MPPE1: variants seen among roughly 807,000 people sequenced by gnomAD.
MPPE1 encodes the protein metallo phosphoesterase.
A neutral mutation model predicts 43.8 loss-of-function variants in MPPE1; 28 were observed. That is an observed-to-expected ratio of 0.64 (90% CI 0.47 to 0.88). The LOEUF is 0.88. Among genes scored for constraint, MPPE1 ranks in the 40% least tolerant of loss-of-function variants. MPPE1 has a pLI of 0.00. For missense variants in MPPE1, 428 were observed against 492.2 expected, an observed-to-expected ratio of 0.87 and a Z score of 1.23; for synonymous variants, 159 against 188.5, an observed-to-expected ratio of 0.84 and a Z score of 1.28.
At chr18:11,901,768 G>C (rs984065257) in intron 2 of MPPE1, among the ~76,000 whole-genome samples, 2 of 152,082 alleles carry the variant, frequency 1.3e-5, no homozygotes, top group Non-Finnish European at 1.5e-5. Flanking sequence ...GAATCCAGGA[G>C]GTGGAGGTTG....
At chr18:11,900,675 AGGTG>A (rs1290224172) in intron 2 of MPPE1, among the ~76,000 whole-genome samples, 2 of 152,280 alleles carry the variant, frequency 1.3e-5, no homozygotes, top group African/African-American at 2.4e-5. Flanking sequence ...TGGGAGGCCA[AGGTG>A]GGCAGATCAC....
chr18:11,893,423 T>C (rs2038225149), intron 4 of MPPE1, 45 bp downstream of exon 4: 3 of 1,354,210 alleles, frequency 2.2e-6, no homozygotes, highest in East Asian at 4.6e-5. Flanking sequence ...ATACTTGTGC[T>C]GGACCTCACA....
chr18:11,888,227 G>A (rs965261365), intron 6 of MPPE1, among the ~76,000 whole-genome samples: 1 of 152,206 alleles, frequency 6.6e-6, no homozygotes, highest in East Asian at 1.9e-4. Flanking sequence ...GGGTGGCACA[G>A]AGCTACAGAG....
At position 11,908,266 on chromosome 18, in the gene MPPE1, G is replaced by A. The variant is rs181451963; in HGVS notation, c.-265C>T. Reference sequence around the variant, plus strand: ...ATGGGGAGCACCGGGCGGTGCGGGAGCCCTTTCACCAGGGCAGGGTGGCTT... The same window carrying A: ...ATGGGGAGCACCGGGCGGTGCGGGAACCCTTTCACCAGGGCAGGGTGGCTT... On this transcript the variant is annotated 5_prime_UTR_variant, in exon 1 of 11. Coordinates refer to ENST00000588072, the MANE Select transcript of MPPE1 (RefSeq NM_023075.6). The A allele has an allele frequency of 2.0e-4, 31 of 152,382 alleles. No homozygotes were observed. The East Asian group carries it at 6.0e-3, about 29-fold the overall frequency. The allele number at this position is 152,382 out of a possible 1,614,324, so 9.4% of individuals were successfully genotyped here. A position where few individuals can be genotyped will look rare whatever the true frequency, so the allele number is the denominator to read the frequency against.
chr18:11,889,541 T>G (rs556393159), intron 4 of MPPE1, 51 bp from the exon 5 acceptor site: 2 of 1,402,782 alleles, frequency 1.4e-6, no homozygotes, highest in South Asian at 2.5e-5. Context: ...CTCTGCCCTG[T>G]GGCTAAAAAA....
rs556622239 is a variant in MPPE1, at chr18:11,900,731, C to T, written c.-92-3375G>A. On this transcript the variant is annotated intron_variant, in intron 2 of 10. Coordinates refer to ENST00000588072, the MANE Select transcript of MPPE1 (RefSeq NM_023075.6). ...GACCATCCTGGCTAACACGGTGAAA[C>T]CCCATCTCTACTAAAAATACAAAAA... Among the ~76,000 whole-genome samples, 6 of 151,672 alleles carry T rather than the reference C, an allele frequency of 4.0e-5. 1 individual carries two copies. Among genetic ancestry groups the T allele is most frequent in the African/African-American group, 1.5e-4 (6 of 41,302 alleles).
chr18:11,888,204 G>A (rs2037555656), intron 6 of MPPE1, among the ~76,000 whole-genome samples: 1 of 152,198 alleles, frequency 6.6e-6, no homozygotes, highest in Non-Finnish European at 1.5e-5. Flanking sequence ...TAAAAGCCCA[G>A]GCCAATGGAG....
chr18:11,901,891 TCC>T (rs2039249393), intron 2 of MPPE1, among the ~76,000 whole-genome samples: 2 of 152,148 alleles, frequency 1.3e-5, no homozygotes, highest in South Asian at 4.1e-4. Context: ...TTTAACTATG[TCC>T]TTTCAGACAG....
Position 11,884,420 on chromosome 18 carries a change from T to C in MPPE1, c.*25A>G. ...GCCCAAAGTTCCATTTCTTGGGCTT[T>C]GATATTTATAATGGCGCCTGCTCTT... On this transcript the variant is annotated 3_prime_UTR_variant, in exon 11 of 11. Transcript: ENST00000588072. 6.2e-7 allele frequency: 1 copy of C among 1,606,644 alleles called. No individual in the cohort carries two copies. The highest frequency in any genetic ancestry group is 8.5e-7 in the Non-Finnish European group (1 of 1,174,848).
At chr18:11,888,922 AG>A (rs2037652095) in intron 5 of MPPE1, among the ~76,000 whole-genome samples, 179 bp from the exon 6 acceptor site, 1 of 152,210 alleles carries the variant, frequency 6.6e-6, no homozygotes, top group African/African-American at 2.4e-5. Flanking sequence ...CTTACTATGA[AG>A]CCTGGGGCAA....
In MPPE1 at chr18:11,882,731, G is replaced by C. The variant is rs1598457728; in HGVS notation, c.*1714C>G. On this transcript the variant is annotated 3_prime_UTR_variant, in exon 11 of 11. Transcript: ENST00000588072. The stretch of plus-strand genomic sequence containing the variant: ...CTTGACGTGTCAATGTTTGTGTCTG[G>C]CCTAGGAGAATGAGGATGACAGCTT... The C allele has an allele frequency of 2.0e-5, 3 of 151,244 alleles. No homozygotes were observed. Among genetic ancestry groups the C allele is most frequent in the African/African-American group, 7.3e-5 (3 of 41,112 alleles). The allele number at this position is 151,244 out of a possible 1,614,324, so 9.4% of individuals were successfully genotyped here.
Position 11,886,647 on chromosome 18 carries a change from A to G in MPPE1, c.745-26T>C, listed in dbSNP as rs971985704. 7 of 1,614,138 alleles carry G rather than the reference A, an allele frequency of 4.3e-6. No homozygotes were observed. The highest frequency in any genetic ancestry group is 5.9e-6 in the Non-Finnish European group (7 of 1,180,030). ...CTGTCCGGGGTGGAGAGAGGAGTTC[A>G]GGCGGCTATCGTGAAACCACAGGCT... On this transcript the variant is annotated intron_variant, in intron 8 of 10. Coordinates refer to ENST00000588072, the MANE Select transcript of MPPE1 (RefSeq NM_023075.6). The surrounding 1 kb of genome is among the most constrained non-coding windows in gnomAD (Gnocchi z 4.1).
intron 1 of MPPE1, among the ~76,000 whole-genome samples, 189 bp from the exon 2 acceptor site, chr18:11,906,498 T>C (rs775041324): frequency 1.1e-4 from 16 of 152,176 alleles, no homozygotes; most frequent in Non-Finnish European, 1.9e-4. Flanking sequence ...TATATATAAA[T>C]TATATAAAAC....
Position 11,884,445 on chromosome 18 carries a change from T to A in MPPE1, c.1191A>T (p.Ter397CysextTer26), listed in dbSNP as rs747560716. Residue 397 changes from the stop codon to cysteine, a stop_lost, in exon 11 of 11, where the codon TGA (stop) becomes TGT (cysteine). Transcript: ENST00000588072. ...LNLLGKRKTR[*>C] ...TGATATTTATAATGGCGCCTGCTCT[T>A]CATCTTGTCTTACGCTTTCCGAGCA... The A allele has an allele frequency of 6.2e-7, 1 of 1,613,172 alleles. No individual in the cohort carries two copies. The highest frequency in any genetic ancestry group is 1.1e-5 in the South Asian group (1 of 91,058).
Position 11,883,982 on chromosome 18 carries a change from T to C in MPPE1, c.*463A>G, listed in dbSNP as rs1064232. On this transcript the variant is annotated 3_prime_UTR_variant, in exon 11 of 11. Transcript: ENST00000588072. The stretch of plus-strand genomic sequence containing the variant: ...CTGGGATTACAGGTGTGAGCCACTG[T>C]GCCCGGCCACATCTGTACTTTTAAG... 0.059 allele frequency: 9,068 copies of C among 154,346 alleles called. 519 individuals carry two copies. The highest frequency in any genetic ancestry group is 0.17 in the Middle Eastern group (50 of 298). The allele number at this position is 154,346 out of a possible 1,614,324, so 9.6% of individuals were successfully genotyped here.
chr18:11,889,359 G>C, intron 5 of MPPE1, 28 bp downstream of exon 5: 1 of 1,381,874 alleles, frequency 7.2e-7, no homozygotes, highest in East Asian at 2.3e-5. Flanking sequence ...AGAGCTCTCA[G>C]GGTGCAGGGC....
chr18:11,907,765 A>T (rs1482650368), intron 1 of MPPE1: 1 of 149,968 alleles, frequency 6.7e-6, no homozygotes, highest in Non-Finnish European at 1.5e-5. Context: ...CTCCCACTTC[A>T]GCGTCCCAGA....
Position 11,885,701 on chromosome 18 carries a change from T to C in MPPE1, c.983A>G (p.Asn328Ser), listed in dbSNP as rs927058329. ...CATGATGAAACTGGGGTTGTTTCTG[T>C]TCCTCCAACTGAAAGATGGGACGCT... ...ELSVPSFSWR[N>S]RNNPSFIMGS... The change falls in exon 10 of 11, where the codon AAC becomes AGC. Residue 328 changes from asparagine (N) to serine (S), a missense_variant. Coordinates refer to ENST00000588072, the MANE Select transcript of MPPE1 (RefSeq NM_023075.6). The C allele has an allele frequency of 6.2e-7, 1 of 1,613,732 alleles. No individual in the cohort carries two copies. Among genetic ancestry groups the C allele is most frequent in the Non-Finnish European group, 8.5e-7 (1 of 1,179,688 alleles).
Position 11,883,241 on chromosome 18 carries a change from A to G in MPPE1, c.*1204T>C, listed in dbSNP as rs1316122898. On this transcript the variant is annotated 3_prime_UTR_variant, in exon 11 of 11. Transcript: ENST00000588072. ...TTACTGCCTCCCCATCCACTGTCTC[A>G]TAAAGCCCTCAGCTGAACTAAGATA... 6.6e-6 allele frequency: 1 copy of G among 152,186 alleles called. No homozygotes were observed. The highest frequency in any genetic ancestry group is 2.4e-5 in the African/African-American group (1 of 41,412). 9.4% of individuals were successfully genotyped at this position (152,186 alleles called of 1,614,324 possible).
Sources: allele counts gnomAD v4.1 joint callset (sites outside exome capture counted in the v4.1 genomes callset), GRCh38; gene constraint gnomAD v4.1.1; non-coding constraint Gnocchi (gnomAD v3.1); transcripts MANE v1.5; gene names NCBI Gene and HGNC (gene_info 2026-07-23, HGNC 2026-07-21).